The following ARHGAP45 variants were observed in gnomAD, a reference collection of about 807,000 sequenced individuals.
ARHGAP45 encodes the protein Rho GTPase activating protein 45, also known as rho GTPase-activating protein 45.
In ARHGAP45, 56 loss-of-function variants were observed where a neutral mutation model predicts 116.1. The observed-to-expected ratio is 0.48, with a 90% CI of 0.39 to 0.60. ARHGAP45 has a LOEUF of 0.60. ARHGAP45 is among the 20% of genes least tolerant of loss of function. ARHGAP45 has a pLI of 0.00. For synonymous variants in ARHGAP45, 866 were observed against 701.7 expected, an observed-to-expected ratio of 1.23 and a Z score of -3.70; for missense variants, 1,622 against 1,601.0, an observed-to-expected ratio of 1.01 and a Z score of -0.22.
chr19:1,079,865 G>C (rs183591702), intron 12 of ARHGAP45, 25 bp downstream of exon 12: 1 of 1,591,802 alleles, frequency 6.3e-7, no homozygotes, highest in Non-Finnish European at 8.6e-7. Flanking sequence ...CCGGCCGCCC[G>C]GGCGGGGATG....
In ARHGAP45 at chr19:1,083,360, G is replaced by C. The variant is rs748319094; in HGVS notation, c.2955+7G>C. 60 of 1,541,746 alleles carry C rather than the reference G, an allele frequency of 3.9e-5. No individual in the cohort carries two copies. The Admixed American group carries it at 4.3e-4, about 11-fold the overall frequency. Reference sequence around the variant, plus strand: ...GGAGACCCCCGGGGGCCAGGTGAGGGTGTGGGCCTGACCGGGGCTGGCCAC... The same window carrying C: ...GGAGACCCCCGGGGGCCAGGTGAGGCTGTGGGCCTGACCGGGGCTGGCCAC... On this transcript the variant is annotated splice_region_variant and intron_variant, in intron 21 of 22. Transcript: ENST00000313093.
intron 10 of ARHGAP45, among the ~76,000 whole-genome samples, chr19:1,076,795 C>T (rs1234458095): frequency 6.6e-6 from 1 of 152,024 alleles, no homozygotes; most frequent in Non-Finnish European, 1.5e-5. Context: ...CCGTGCTTGG[C>T]TAATTTTTAT....
intron 10 of ARHGAP45, among the ~76,000 whole-genome samples, chr19:1,076,038 G>T (rs777018204): frequency 5.3e-5 from 8 of 152,088 alleles, no homozygotes; most frequent in Non-Finnish European, 1.0e-4. Flanking sequence ...CCTTTTTTCG[G>T]CTGTGCAGGG....
rs973350628 is a variant in ARHGAP45, at chr19:1,081,741, G to C, written c.2379+3G>C. 3.9e-6 allele frequency: 6 copies of C among 1,557,516 alleles called. No individual in the cohort carries two copies. The highest frequency in any genetic ancestry group is 3.5e-6 in the Non-Finnish European group (4 of 1,149,904). ...AGCGGCGGGCGCTGCGCACCAAGGTGAGGCGGGGGAGGAAGCGGCTCACAG... is the reference window on the plus strand; with the variant it reads ...AGCGGCGGGCGCTGCGCACCAAGGTCAGGCGGGGGAGGAAGCGGCTCACAG... On this transcript the variant is annotated splice_donor_region_variant and intron_variant, in intron 18 of 22. Coordinates refer to ENST00000313093, the MANE Select transcript of ARHGAP45 (RefSeq NM_012292.5).
rs764299785 is a variant in ARHGAP45, at chr19:1,068,698, C to T, written c.375C>T (p.Arg125=). ...CCCATCTGCTGGCGGACGTGGCCCGCTTCGCTGAGGGCCTTGAGAAACTTA... is the reference window on the plus strand; with the variant it reads ...CCCATCTGCTGGCGGACGTGGCCCGTTTCGCTGAGGGCCTTGAGAAACTTA... ...DISHLLADVA[R]FAEGLEKLKE... The change falls in exon 2 of 23, where the codon CGC becomes CGT. Residue 125 remains arginine (R), a synonymous_variant. Coordinates refer to ENST00000313093, the MANE Select transcript of ARHGAP45 (RefSeq NM_012292.5). This position sits in a 1 kb window ranked among gnomAD's most constrained non-coding sequence, Gnocchi z 7.5. 1.2e-6 allele frequency: 2 copies of T among 1,612,646 alleles called. No individual in the cohort carries two copies. Among genetic ancestry groups the T allele is most frequent in the Middle Eastern group, 1.6e-4 (1 of 6,062 alleles).
chr19:1,067,148 C>T (rs971662288), upstream of ARHGAP45: 42 of 1,182,556 alleles, frequency 3.6e-5, no homozygotes, highest in East Asian at 1.5e-4. Context: ...GCGGGGCCTG[C>T]GACCTCACCT....
Position 1,079,944 on chromosome 19 carries a change from A to T in ARHGAP45, c.1529A>T (p.Tyr510Phe). 1 of 1,611,018 alleles carries T rather than the reference A, an allele frequency of 6.2e-7. No homozygotes were observed. Among genetic ancestry groups the T allele is most frequent in the Non-Finnish European group, 8.5e-7 (1 of 1,178,578 alleles). Residue 510 changes from tyrosine (Y) to phenylalanine (F), a missense_variant, in exon 13 of 23, where the codon TAC (tyrosine) becomes TTC (phenylalanine). By Grantham distance (22) the Tyr-to-Phe change is conservative. Around this residue, in one of 3 missense-constraint regions of ARHGAP45, gnomAD observed 1,334 missense variants for 1,263.8 expected, o/e 1.06. Coordinates refer to ENST00000313093, the MANE Select transcript of ARHGAP45 (RefSeq NM_012292.5). ...CGCCCGCAGGCCACGATCTCCTACT[A>T]CCAGATGATGCATATGCAGACGGCG... The part of the protein sequence containing the change: ...QTIKSATISY[Y>F]QMMHMQTAPL...
intron 2 of ARHGAP45, among the ~76,000 whole-genome samples, chr19:1,072,797 CA>C (rs1270071690): frequency 6.6e-6 from 1 of 152,182 alleles, no homozygotes; most frequent in Non-Finnish European, 1.5e-5. Flanking sequence ...GGGCTTTGAG[CA>C]GTCCTGAGGA....
intron 19 of ARHGAP45, chr19:1,082,511 C>T (rs2145082110): frequency 2.5e-6 from 1 of 404,516 alleles, no homozygotes; most frequent in Middle Eastern, 6.5e-4. Context: ...CGGAGCTGGG[C>T]TGGGATGGGA....
Position 1,068,685 on chromosome 19 carries a change from C to T in ARHGAP45, c.362C>T (p.Ala121Val), listed in dbSNP as rs200604668. The T allele has an allele frequency of 1.1e-5, 18 of 1,612,664 alleles. No homozygotes were observed. Among genetic ancestry groups the T allele is most frequent in the Non-Finnish European group, 1.1e-5 (13 of 1,180,022 alleles). The change falls in exon 2 of 23, where the codon GCG (alanine) becomes GTG (valine). Residue 121 changes from alanine (A) to valine (V), a missense_variant. By Grantham distance (64) the Ala-to-Val change is moderately conservative. This residue lies in a region of ARHGAP45 where 279 missense variants were observed against 311.9 expected (regional missense o/e 0.89). Coordinates refer to ENST00000313093, the MANE Select transcript of ARHGAP45 (RefSeq NM_012292.5). This position sits in a 1 kb window ranked among gnomAD's most constrained non-coding sequence, Gnocchi z 7.5. ...GTCGAGGACATCTCCCATCTGCTGG[C>T]GGACGTGGCCCGCTTCGCTGAGGGC... ...DVVEDISHLLADVARFAEGLE... is the reference protein window; with the variant it reads ...DVVEDISHLLVDVARFAEGLE...
At chr19:1,082,151 C>G (rs1322705755) in intron 19 of ARHGAP45, among the ~76,000 whole-genome samples, 190 bp downstream of exon 19, 1 of 111,610 alleles carries the variant, frequency 9.0e-6, no homozygotes, top group African/African-American at 3.5e-5. Context: ...GGCGTGGTCA[C>G]GGTAGGAGCG....
At chr19:1,070,514 T>C (rs1320660479) in intron 2 of ARHGAP45, among the ~76,000 whole-genome samples, 4 of 148,890 alleles carry the variant, frequency 2.7e-5, no homozygotes, top group Admixed American at 1.3e-4. Context: ...TTCTTTCTTT[T>C]TTTTTTTTTT....
upstream of ARHGAP45, chr19:1,066,033 G>A (rs2043023619): frequency 4.6e-6 from 7 of 1,535,424 alleles, no homozygotes; most frequent in African/African-American, 1.4e-5. Context: ...GCCATGAGTC[G>A]GGGGCAAAGA....
Position 1,081,712 on chromosome 19 carries a change from A to G in ARHGAP45, c.2353A>G (p.Ile785Val), listed in dbSNP as rs2043440733. The G allele has an allele frequency of 1.3e-6, 2 of 1,586,636 alleles. No individual in the cohort carries two copies. Among genetic ancestry groups the G allele is most frequent in the East Asian group, 2.3e-5 (1 of 43,912 alleles). ...CATCGTCAAGAAGTGCGTCTGCGAGATCGAGCGGCGGGCGCTGCGCACCAA... is the reference window on the plus strand; with the variant it reads ...CATCGTCAAGAAGTGCGTCTGCGAGGTCGAGCGGCGGGCGCTGCGCACCAA... ...PFIVKKCVCE[I>V]ERRALRTKGI... Residue 785 changes from isoleucine (I) to valine (V), a missense_variant, in exon 18 of 23, where the codon ATC (isoleucine) becomes GTC (valine). Around this residue, in one of 3 missense-constraint regions of ARHGAP45, gnomAD observed 1,334 missense variants for 1,263.8 expected, o/e 1.06. Transcript: ENST00000313093.
chr19:1,085,895 C>G lies in ARHGAP45; in HGVS notation c.3300C>G (p.Phe1100Leu). 6.2e-7 allele frequency: 1 copy of G among 1,612,904 alleles called. No homozygotes were observed. Among genetic ancestry groups the G allele is most frequent in the Non-Finnish European group, 8.5e-7 (1 of 1,179,942 alleles). The stretch of plus-strand genomic sequence containing the variant: ...GCCCGGCCCAGCAGCTCTCAGGATT[C>G]AACACCAACCAGTCCAACAACGTGC... ...EDGPAQQLSG[F>L]NTNQSNNVLQ... The change falls in exon 23 of 23, where the codon TTC (phenylalanine) becomes TTG (leucine). Residue 1100 changes from phenylalanine (F) to leucine (L), a missense_variant. Physicochemically the swap from Phe to Leu is conservative, Grantham distance 22. Around this residue, in one of 3 missense-constraint regions of ARHGAP45, gnomAD observed 1,334 missense variants for 1,263.8 expected, o/e 1.06. Transcript: ENST00000313093.
chr19:1,085,389 T>A (rs562570572), intron 22 of ARHGAP45, among the ~76,000 whole-genome samples: 5 of 152,194 alleles, frequency 3.3e-5, no homozygotes, highest in Admixed American at 1.3e-4. Flanking sequence ...CAAGATGAGG[T>A]TTGGGTGGGG....
rs554756628 is a variant in ARHGAP45, at chr19:1,080,259, C to A, written c.1708C>A (p.Pro570Thr). Residue 570 changes from proline (P) to threonine (T), a missense_variant, in exon 14 of 23, where the codon CCC (proline) becomes ACC (threonine). Transcript: ENST00000313093. ...EPHVSANAWS[P>T]VMRARKSSFN... ...TTTCCCGGTTTCTTCCACTAGGTCC[C>A]CCGTCATGCGTGCCCGGAAGAGCAG... is the stretch of plus-strand genomic sequence containing the variant. The A allele has an allele frequency of 2.1e-4, 346 of 1,612,692 alleles. 1 individual carries two copies. The highest frequency in any genetic ancestry group is 1.8e-4 in the Non-Finnish European group (212 of 1,179,856).
intron 22 of ARHGAP45, 26 bp from the exon 23 acceptor site, chr19:1,085,634 C>A (rs1487384042): frequency 1.2e-5 from 18 of 1,483,642 alleles, no homozygotes; most frequent in Non-Finnish European, 1.6e-5. Context: ...GTCTGTCTCC[C>A]CCCGCCATCT....
At position 1,086,143 on chromosome 19, in the gene ARHGAP45, A is replaced by G; in HGVS notation, c.*137A>G. The stretch of plus-strand genomic sequence containing the variant: ...GAGAGCGCCTGGACTTCGACGTCCC[A>G]CCAGCGGGCGCCTCCTCCCAGAGGC... On this transcript the variant is annotated 3_prime_UTR_variant, in exon 23 of 23. Coordinates refer to ENST00000313093, the MANE Select transcript of ARHGAP45 (RefSeq NM_012292.5). The G allele has an allele frequency of 2.6e-6, 2 of 760,010 alleles. No individual in the cohort carries two copies. Among genetic ancestry groups the G allele is most frequent in the East Asian group, 2.7e-5 (1 of 37,278 alleles). 47.1% of individuals were successfully genotyped at this position (760,010 alleles called of 1,614,324 possible).
Sources: gnomAD v4.1 joint callset for allele counts (sites outside exome capture counted in the v4.1 genomes callset) on GRCh38, gnomAD v4.1.1 for gene constraint, gnomAD v4.1.1 regional missense constraint, Gnocchi (gnomAD v3.1) non-coding constraint, MANE v1.5 for transcripts, NCBI Gene and HGNC (gene_info 2026-07-23, HGNC 2026-07-21) for gene names.